Variants in DUS2 observed in about 807,000 individuals in gnomAD.
The protein encoded by DUS2 is dihydrouridine synthase 2.
DUS2 carries 52 observed loss-of-function variants against 71.3 expected under a neutral mutation model. That is an observed-to-expected ratio of 0.73 (90% CI 0.58 to 0.92). DUS2 has a LOEUF of 0.92. DUS2 is among the 40% of genes least tolerant of loss of function. DUS2 has a pLI of 0.00. For missense variants in DUS2, 558 were observed against 622.6 expected (o/e 0.90, Z 1.10); for synonymous variants, 204 against 227.8 (o/e 0.90, Z 0.94).
chr16:68,073,044 C>A (rs1384036196), intron 12 of DUS2, among the ~76,000 whole-genome samples: 6 of 152,202 alleles, frequency 3.9e-5, no homozygotes, highest in African/African-American at 1.4e-4. Context: ...TGGCACTGGA[C>A]CTGCCATGCC....
chr16:68,028,749 A>G (rs2033394853), intron 2 of DUS2, among the ~76,000 whole-genome samples: 2 of 152,156 alleles, frequency 1.3e-5, no homozygotes, highest in Non-Finnish European at 2.9e-5. Flanking sequence ...TACACCATGG[A>G]ATTCACTCTT....
intron 12 of DUS2, 61 bp from the exon 13 acceptor site, chr16:68,073,973 C>T: frequency 1.9e-6 from 3 of 1,601,342 alleles, no homozygotes; most frequent in South Asian, 1.1e-5. Context: ...TCCCTGCCAT[C>T]AGAGCATAGC....
Position 68,074,115 on chromosome 16 carries a change from G to A in DUS2, c.892G>A (p.Gly298Arg). 6.2e-7 allele frequency: 1 copy of A among 1,614,174 alleles called. No individual in the cohort carries two copies. The highest frequency in any genetic ancestry group is 8.5e-7 in the Non-Finnish European group (1 of 1,180,018). Residue 298 changes from glycine to arginine, a missense_variant, in exon 13 of 17, where the codon GGA becomes AGA. Gly to Arg is a moderately radical substitution (Grantham distance 125). Coordinates refer to ENST00000565263, the MANE Select transcript of DUS2 (RefSeq NM_017803.5). ...ACGAGAACAGCTGGAGTCGCCCCAG[G>A]GAAGGTTGCTCCATGCTGCCCAGTC... The part of the protein sequence containing the change: ...MLREQLESPQ[G>R]RLLHAAQSSR...
intron 10 of DUS2, 143 bp downstream of exon 10, chr16:68,066,779 A>G: frequency 1.2e-6 from 1 of 821,908 alleles, no homozygotes; most frequent in Non-Finnish European, 2.0e-6. Flanking sequence ...TTGATATCTT[A>G]TGAGTCTGGA....
At position 68,073,264 on chromosome 16, in the gene DUS2, A is replaced by ATTTATT. The variant is rs1479703090; in HGVS notation, c.811-753_811-748dup. On this transcript the variant is annotated intron_variant, in intron 12 of 16. Transcript: ENST00000565263. Reference sequence around the variant, plus strand: ...TGACCAAGGTCGAAGTGGCTTTTTAATTTATTTTTATTTTTATTTTTAATT... The same window carrying ATTTATT: ...TGACCAAGGTCGAAGTGGCTTTTTAATTTATTTTTATTTTTATTTTTATTTTTAATT... Among the ~76,000 whole-genome samples the ATTTATT allele has an allele frequency of 2.6e-5, 4 of 152,014 alleles. No individual in the cohort carries two copies. The South Asian group carries it at 6.2e-4, about 24-fold the overall frequency.
At chr16:68,034,833 T>C (rs2033493826) in intron 2 of DUS2, among the ~76,000 whole-genome samples, 1 of 151,806 alleles carries the variant, frequency 6.6e-6, no homozygotes, top group South Asian at 2.1e-4. Context: ...CCATTTCTAC[T>C]AAAAATACAA....
Position 68,038,040 on chromosome 16 carries a change from T to C in DUS2, c.17T>C (p.Leu6Pro), listed in dbSNP as rs1567470922. ...GAGGAGGAAATGATTTTGAATAGCCTCTCTCTGTGTTACCATAATAAGCTA... is the reference window on the plus strand; with the variant it reads ...GAGGAGGAAATGATTTTGAATAGCCCCTCTCTGTGTTACCATAATAAGCTA... MILNS[L>P]SLCYHNKLIL... is the part of the protein sequence containing the mutation. Residue 6 changes from leucine to proline, a missense_variant, in exon 3 of 17, where the codon CTC becomes CCC. By Grantham distance (98) the Leu-to-Pro change is moderately conservative. Coordinates refer to ENST00000565263, the MANE Select transcript of DUS2 (RefSeq NM_017803.5). 1.2e-6 allele frequency: 2 copies of C among 1,613,796 alleles called. No homozygotes were observed. The highest frequency in any genetic ancestry group is 1.7e-5 in the Admixed American group (1 of 59,948).
rs1253549923 is a variant in DUS2 at position 68,078,778 on chromosome 16, C to T, written c.1274C>T (p.Ala425Val). ...WDKSKKLAEQAAAIVCLRSQG... is the reference protein window; with the variant it reads ...WDKSKKLAEQVAAIVCLRSQG... ...AAGTCCAAGAAACTGGCGGAGCAGG[C>T]TGCAGCCATCGTCTGTCTGCGGAGC... Residue 425 changes from alanine to valine, a missense_variant, in exon 17 of 17, where the codon GCT becomes GTT. Physicochemically the swap from Ala to Val is moderately conservative, Grantham distance 64 (BLOSUM62 0). Transcript: ENST00000565263. 3 of 1,610,950 alleles carry T rather than the reference C, an allele frequency of 1.9e-6. No homozygotes were observed. In the African/African-American group the frequency reaches 4.0e-5, roughly 22 times the overall value.
intron 2 of DUS2, among the ~76,000 whole-genome samples, chr16:68,028,691 A>G (rs2151407671): frequency 6.6e-6 from 1 of 152,292 alleles, no homozygotes; most frequent in South Asian, 2.1e-4. Context: ...AAGCATGATG[A>G]GAGTGGCTAA....
chr16:68,037,882 A>T, intron 2 of DUS2, 124 bp from the exon 3 acceptor site: 1 of 1,023,194 alleles, frequency 9.8e-7, no homozygotes, highest in Non-Finnish European at 1.4e-6. Flanking sequence ...AACATAAACA[A>T]CCAACCAAAA....
Position 68,054,558 on chromosome 16 carries a change from C to A in DUS2, c.265-16C>A, listed in dbSNP as rs139227662. ...TGTGTCAGGGCAGTGGTTGATGCAG[C>A]CTCTTGTGTTCCCAGGGGACTTCAG... is the stretch of plus-strand genomic sequence containing the variant. On this transcript the variant is annotated splice_polypyrimidine_tract_variant and intron_variant, in intron 5 of 16. Coordinates refer to ENST00000565263, the MANE Select transcript of DUS2 (RefSeq NM_017803.5). The A allele has an allele frequency of 2.4e-3, 3,800 of 1,614,072 alleles. 93 individuals are homozygous for A. The East Asian group carries it at 0.039, about 17-fold the overall frequency.
intron 12 of DUS2, among the ~76,000 whole-genome samples, chr16:68,072,689 C>A (rs2034104423): frequency 6.6e-6 from 1 of 152,004 alleles, no homozygotes; most frequent in South Asian, 2.1e-4. Flanking sequence ...CGTGGAGTTA[C>A]TAGAGCAGCA....
At chr16:68,068,986 C>T (rs2034047486) in intron 10 of DUS2, among the ~76,000 whole-genome samples, 2 of 152,020 alleles carry the variant, frequency 1.3e-5, no homozygotes, top group Admixed American at 1.3e-4. Context: ...TGAAGAAGCC[C>T]TTTGTGACCA....
At chr16:68,033,420 T>C (rs2033470096) in intron 2 of DUS2, among the ~76,000 whole-genome samples, 1 of 152,142 alleles carries the variant, frequency 6.6e-6, no homozygotes, top group Non-Finnish European at 1.5e-5. Context: ...CTGGTTAACA[T>C]GTTCTCTTCC....
intron 3 of DUS2, among the ~76,000 whole-genome samples, chr16:68,047,383 C>A (rs1004867126): frequency 6.6e-6 from 1 of 151,942 alleles, no homozygotes; most frequent in African/African-American, 2.4e-5. Flanking sequence ...TAATTTTTGT[C>A]TTCTCTCTTT....
intron 1 of DUS2, among the ~76,000 whole-genome samples, chr16:68,024,343 C>A (rs1466736831): frequency 1.3e-5 from 2 of 152,124 alleles, no homozygotes; most frequent in Non-Finnish European, 2.9e-5. Flanking sequence ...AAGCGATCTT[C>A]CCACCTCGGC....
chr16:68,060,858 G>GA (rs981683571), intron 7 of DUS2, among the ~76,000 whole-genome samples: 6 of 151,524 alleles, frequency 4.0e-5, no homozygotes, highest in Admixed American at 1.3e-4. Flanking sequence ...AAAAAAAAAA[G>GA]AAAAAAAATT....
chr16:68,054,413 G>C (rs1245350572), intron 5 of DUS2, among the ~76,000 whole-genome samples, 161 bp from the exon 6 acceptor site: 1 of 152,190 alleles, frequency 6.6e-6, no homozygotes, highest in South Asian at 2.1e-4. Context: ...TCTGCTGGCA[G>C]TGAGCTAGTC....
intron 7 of DUS2, among the ~76,000 whole-genome samples, chr16:68,058,521 C>T (rs533964200): frequency 2.6e-5 from 4 of 152,068 alleles, no homozygotes; most frequent in East Asian, 1.9e-4. Flanking sequence ...CCACTGTGCC[C>T]GGTGGTTTTG....
Sources: gnomAD v4.1 joint callset for allele counts (sites outside exome capture counted in the v4.1 genomes callset) on GRCh38, gnomAD v4.1.1 for gene constraint, MANE v1.5 for transcripts, NCBI Gene and HGNC (gene_info 2026-07-23, HGNC 2026-07-21) for gene names.